The following SYNE2 variants were observed in gnomAD, a reference collection of about 807,000 sequenced individuals.
The protein encoded by SYNE2 is nesprin-2.
A neutral mutation model predicts 856.3 loss-of-function variants in SYNE2; 431 were observed. The observed-to-expected ratio is 0.50, with a 90% confidence interval of 0.47 to 0.55. The LOEUF is 0.55. Among genes scored for constraint, SYNE2 ranks in the 20% least tolerant of loss-of-function variants. The pLI, the probability that SYNE2 is intolerant of heterozygous loss-of-function variation, is 0.00. For missense variants in SYNE2, 8,129 were observed against 8,023.2 expected (o/e 1.01, Z -0.50); for synonymous variants, 2,923 against 2,872.3 (o/e 1.02, Z -0.56).
At chr14:63,985,329 C>CAAAAA (rs11399582) in intron 18 of SYNE2, among the ~76,000 whole-genome samples, 2 of 82,422 alleles carry the variant, frequency 2.4e-5, no homozygotes, top group African/African-American at 4.3e-5. Context: ...GGCTCCATCT[C>CAAAAA]AAAAAAAAAA....
chr14:64,077,982 A>G (rs972910025), intron 54 of SYNE2, among the ~76,000 whole-genome samples: 22 of 152,216 alleles, frequency 1.4e-4, no homozygotes, highest in Admixed American at 2.6e-4. Flanking sequence ...ACCCAAATGA[A>G]TACTATGATT....
At chr14:63,886,238 T>C (rs1343702259) in intron 1 of SYNE2, among the ~76,000 whole-genome samples, 2 of 152,208 alleles carry the variant, frequency 1.3e-5, no homozygotes, top group African/African-American at 4.8e-5. Context: ...CTGATTACTA[T>C]TCTTGGCCCA....
intron 35 of SYNE2, 64 bp downstream of exon 35, chr14:64,020,157 C>T (rs990077479): frequency 1.1e-5 from 12 of 1,121,538 alleles, no homozygotes; most frequent in Non-Finnish European, 1.5e-5. Context: ...CATATCACTG[C>T]ACTCCAGCCT....
chr14:63,895,590 CAAAAAAAA>C (rs34613830), intron 1 of SYNE2, among the ~76,000 whole-genome samples: 1 of 88,414 alleles, frequency 1.1e-5, no homozygotes. Flanking sequence ...CTGTCTCTAT[CAAAAAAAA>C]AAAAAAAAAA....
At chr14:64,061,996 T>C (rs183745388) in intron 49 of SYNE2, among the ~76,000 whole-genome samples, 34 of 152,344 alleles carry the variant, frequency 2.2e-4, no homozygotes, top group African/African-American at 7.9e-4. Flanking sequence ...TTAAGAGTTG[T>C]TTTTTAAGAA....
chr14:63,998,853 G>A (rs998071706), intron 26 of SYNE2, 61 bp from the exon 27 acceptor site: 30 of 1,597,824 alleles, frequency 1.9e-5, no homozygotes, highest in Admixed American at 8.4e-5. Flanking sequence ...GTGAGCCACT[G>A]CGCTTGGCCT....
At chr14:64,030,685 A>G (rs188615390) in intron 44 of SYNE2, among the ~76,000 whole-genome samples, 5 of 152,348 alleles carry the variant, frequency 3.3e-5, no homozygotes, top group African/African-American at 9.6e-5. Context: ...TACTTCACAC[A>G]TAATAGGCAC....
At chr14:63,981,414 A>G (rs1023711801) in intron 16 of SYNE2, among the ~76,000 whole-genome samples, 2 of 152,324 alleles carry the variant, frequency 1.3e-5, no homozygotes, top group East Asian at 3.9e-4. Flanking sequence ...TCCCACACAT[A>G]GAGCTTTCTT....
At chr14:63,891,993 A>T (rs981947353) in intron 1 of SYNE2, among the ~76,000 whole-genome samples, 1 of 152,254 alleles carries the variant, frequency 6.6e-6, no homozygotes, top group Non-Finnish European at 1.5e-5. Context: ...CTCAAGAAAT[A>T]GTTTGTTTCA....
chr14:64,214,355 C>G lies in SYNE2; in HGVS notation c.19218C>G (p.Cys6406Trp), dbSNP rs753442166. ...LVAPGHERSG[C>W]ETPVSVDSIP... ...CCCCAGGGCACGAGCGGTCTGGCTG[C>G]GAGACCCCTGTCAGCGTGGACTCCA... Residue 6406 changes from cysteine to tryptophan, a missense_variant, in exon 106 of 116, where the codon TGC becomes TGG. Physicochemically the swap from Cys to Trp is radical, Grantham distance 215. Around this residue, in one of 3 missense-constraint regions of SYNE2, gnomAD observed 5,410 missense variants for 5,284.8 expected, o/e 1.02. Coordinates refer to ENST00000555002, the MANE Select transcript of SYNE2 (RefSeq NM_182914.3). The G allele has an allele frequency of 6.2e-7, 1 of 1,613,948 alleles. No individual in the cohort carries two copies. The highest frequency in any genetic ancestry group is 8.5e-7 in the Non-Finnish European group (1 of 1,180,022).
At chr14:64,141,231 C>T in intron 80 of SYNE2, 110 bp from the exon 81 acceptor site, 3 of 814,000 alleles carry the variant, frequency 3.7e-6, no homozygotes, top group Non-Finnish European at 5.9e-6. Context: ...TGTGTGTATA[C>T]ACATTCGTAT....
At chr14:63,787,080 C>T (rs1312619956) in intron 1 of SYNE2, among the ~76,000 whole-genome samples, 1 of 151,994 alleles carries the variant, frequency 6.6e-6, no homozygotes, top group Non-Finnish European at 1.5e-5. Context: ...TTCTTTCTTT[C>T]CGTTATTTTT....
At chr14:64,060,270 G>T (rs1364117146) in intron 49 of SYNE2, among the ~76,000 whole-genome samples, 1 of 152,148 alleles carries the variant, frequency 6.6e-6, no homozygotes, top group Non-Finnish European at 1.5e-5. Context: ...CCTGAAGCCA[G>T]CATGTCTCAG....
chr14:63,770,371 C>A (rs1009184174), intron 1 of SYNE2, among the ~76,000 whole-genome samples: 2 of 152,156 alleles, frequency 1.3e-5, no homozygotes, highest in African/African-American at 2.4e-5. Flanking sequence ...CATTCATCGA[C>A]CTCTTTGGGC....
At chr14:63,820,784 C>CT (rs1889183483) in intron 1 of SYNE2, among the ~76,000 whole-genome samples, 1 of 148,056 alleles carries the variant, frequency 6.8e-6, no homozygotes, top group Non-Finnish European at 1.5e-5. Context: ...GAGTCTCACT[C>CT]TTTCACCCAG....
intron 59 of SYNE2, 142 bp downstream of exon 59, chr14:64,089,838 T>C: frequency 1.5e-6 from 1 of 649,900 alleles, no homozygotes; most frequent in Non-Finnish European, 2.6e-6. Context: ...TGGGAATAAC[T>C]ATAACTGTAT....
At position 63,936,084 on chromosome 14, in the gene SYNE2, A is replaced by G. The variant is rs544948283; in HGVS notation, c.80-4530A>G. The stretch of plus-strand genomic sequence containing the variant: ...GAGATGGGGTTTCACCATGTTGGCC[A>G]CGCTGGTCTCGAACTTCTGACCTTG... On this transcript the variant is annotated intron_variant, in intron 2 of 115. Transcript: ENST00000555002. Among the ~76,000 whole-genome samples, 116 of 152,254 alleles carry G rather than the reference A, an allele frequency of 7.6e-4. 1 individual carries two copies. Among genetic ancestry groups the G allele is most frequent in the Non-Finnish European group, 2.4e-4 (16 of 68,002 alleles).
At chr14:63,849,265 CTTTTTTTTT>C (rs35001530), upstream of SYNE2, among the ~76,000 whole-genome samples, 1 of 127,146 alleles carries the variant, frequency 7.9e-6, no homozygotes, top group Admixed American at 8.1e-5. Flanking sequence ...AGTTAATCTC[CTTTTTTTTT>C]TTTTTTTTTT....
At position 64,190,061 on chromosome 14, in the gene SYNE2, C is replaced by T; in HGVS notation, c.17872-10C>T. 1.9e-6 allele frequency: 3 copies of T among 1,613,176 alleles called. No homozygotes were observed. Among genetic ancestry groups the T allele is most frequent in the East Asian group, 2.2e-5 (1 of 44,838 alleles). On this transcript the variant is annotated splice_polypyrimidine_tract_variant and intron_variant, in intron 98 of 115. Coordinates refer to ENST00000555002, the MANE Select transcript of SYNE2 (RefSeq NM_182914.3). ...ATTAGCCAGGCTTTATGTTTTGGTGCCTTTGCCAGGACTGCATGGAAGAAA... is the reference window on the plus strand; with the variant it reads ...ATTAGCCAGGCTTTATGTTTTGGTGTCTTTGCCAGGACTGCATGGAAGAAA...
Sources: allele counts gnomAD v4.1 joint callset (sites outside exome capture counted in the v4.1 genomes callset), GRCh38; gene constraint gnomAD v4.1.1; regional missense constraint gnomAD v4.1.1; transcripts MANE v1.5; gene names NCBI Gene and HGNC (gene_info 2026-07-23, HGNC 2026-07-21).